The following SLC1A2 variants were observed in gnomAD, a reference collection of about 807,000 sequenced individuals.
The protein encoded by SLC1A2 is excitatory amino acid transporter 2.
Under a neutral mutation model 48.8 loss-of-function variants are expected in SLC1A2, and 15 were observed. That is an observed-to-expected ratio of 0.31 (90% confidence interval 0.21 to 0.47). SLC1A2 has a LOEUF of 0.47. SLC1A2 is among the 20% of genes least tolerant of loss of function. The pLI is 0.99. For missense variants in SLC1A2, 502 were observed against 730.5 expected (o/e 0.69, Z 3.61); for synonymous variants, 279 against 272.6 (o/e 1.02, Z -0.23).
intron 1 of SLC1A2, among the ~76,000 whole-genome samples, chr11:35,346,522 G>A (rs1426335900): frequency 6.6e-6 from 1 of 152,222 alleles, no homozygotes; most frequent in African/African-American, 2.4e-5. Flanking sequence ...TGGACCACAA[G>A]GCATTCGATC....
intron 2 of SLC1A2, chr11:35,315,654 G>T (rs1038878839): frequency 6.4e-6 from 1 of 155,258 alleles, no homozygotes; most frequent in African/African-American, 2.4e-5. Flanking sequence ...ATTTAGCTGG[G>T]TGTGGTGGCG....
At chr11:35,281,664 G>A (rs968096239) in intron 8 of SLC1A2, 5 of 152,118 alleles carry the variant, frequency 3.3e-5, no homozygotes, top group Non-Finnish European at 4.4e-5. Flanking sequence ...CATCTCATCA[G>A]TTCTTTCCAA....
At chr11:35,395,279 T>C (rs946127939) in intron 1 of SLC1A2, among the ~76,000 whole-genome samples, 7 of 151,946 alleles carry the variant, frequency 4.6e-5, no homozygotes, top group African/African-American at 1.7e-4. Context: ...TTTTTTTCTC[T>C]TAACTTCTGA....
At position 35,254,901 on chromosome 11, in the gene SLC1A2, C is replaced by G. The variant is rs983311762; in HGVS notation, c.*5993G>C. 2.4e-6 allele frequency: 1 copy of G among 425,278 alleles called. No individual in the cohort carries two copies. The highest frequency in any genetic ancestry group is 2.1e-5 in the African/African-American group (1 of 48,452). The allele number at this position is 425,278 out of a possible 1,614,324, so 26.3% of individuals were successfully genotyped here. The stretch of plus-strand genomic sequence containing the variant: ...AAGCAAGGCTGGACATAGAAAAAAA[C>G]TGATCAGTAGTTATTCAGGATATTA... On this transcript the variant is annotated 3_prime_UTR_variant, in exon 11 of 11. Transcript: ENST00000278379.
intron 6 of SLC1A2, among the ~76,000 whole-genome samples, chr11:35,295,012 A>C (rs2134759978): frequency 6.6e-6 from 1 of 152,152 alleles, no homozygotes; most frequent in Non-Finnish European, 1.5e-5. Flanking sequence ...CAGGGCCATT[A>C]CTTTCTTGTG....
chr11:35,329,030 C>A (rs1305733045), intron 1 of SLC1A2, among the ~76,000 whole-genome samples: 1 of 152,144 alleles, frequency 6.6e-6, no homozygotes, highest in Non-Finnish European at 1.5e-5. Context: ...AATGGATAAA[C>A]CATGGTACAT....
At chr11:35,271,800 G>A (rs529671585) in intron 9 of SLC1A2, among the ~76,000 whole-genome samples, 9 of 152,264 alleles carry the variant, frequency 5.9e-5, no homozygotes, top group Admixed American at 2.6e-4. Flanking sequence ...CCATGATAGC[G>A]CCACTGCACT....
intron 1 of SLC1A2, among the ~76,000 whole-genome samples, chr11:35,382,757 C>T (rs1481950720): frequency 6.6e-6 from 1 of 151,580 alleles, no homozygotes; most frequent in Non-Finnish European, 1.5e-5. Flanking sequence ...GATCACGCCA[C>T]TGCACTCCAG....
At position 35,419,205 on chromosome 11, in the gene SLC1A2, C is replaced by CGCGGGGATGGCGCTTG; in HGVS notation, c.-255_-240dup. 2 of 440,764 alleles carry CGCGGGGATGGCGCTTG rather than the reference C, an allele frequency of 4.5e-6. No homozygotes were observed. Among genetic ancestry groups the CGCGGGGATGGCGCTTG allele is most frequent in the Non-Finnish European group, 8.0e-6 (2 of 250,806 alleles). 27.3% of individuals were successfully genotyped at this position (440,764 alleles called of 1,614,324 possible). ...CGCGCGACCCGCGCTCCCCTCCGCC[C>CGCGGGGATGGCGCTTG]GCGGGGATGGCGCTTGGCGGGGAGC... On this transcript the variant is annotated 5_prime_UTR_variant, in exon 1 of 11. Coordinates refer to ENST00000278379, the MANE Select transcript of SLC1A2 (RefSeq NM_004171.4). This position sits in a 1 kb window ranked among gnomAD's most constrained non-coding sequence, Gnocchi z 5.4.
intron 1 of SLC1A2, 141 bp downstream of exon 1, chr11:35,418,809 T>TC: frequency 1.4e-6 from 1 of 698,472 alleles, no homozygotes; most frequent in South Asian, 1.6e-5. Flanking sequence ...CTCCCCACCA[T>TC]CCCATCCCCA....
intron 1 of SLC1A2, among the ~76,000 whole-genome samples, chr11:35,401,186 T>C (rs753100587): frequency 4.3e-4 from 66 of 152,180 alleles, no homozygotes; most frequent in Non-Finnish European, 7.5e-4. Context: ...TCAGAGAGAA[T>C]GGACTGTAAG....
Position 35,407,733 on chromosome 11 carries a change from G to A in SLC1A2, c.17+11217C>T, listed in dbSNP as rs55957132. Among the ~76,000 whole-genome samples the A allele has an allele frequency of 2.7e-3, 414 of 152,108 alleles. 2 individuals carry two copies. Among genetic ancestry groups the A allele is most frequent in the African/African-American group, 9.2e-3 (381 of 41,498 alleles). ...CCTCTCCATAGCATGCAGCACTGTC[G>A]GCCACTTCAAGTCACCTGCTCACTC... On this transcript the variant is annotated intron_variant, in intron 1 of 10. Coordinates refer to ENST00000278379, the MANE Select transcript of SLC1A2 (RefSeq NM_004171.4).
At chr11:35,322,577 G>C in intron 1 of SLC1A2, 1 of 1,532,100 alleles carries the variant, frequency 6.5e-7, no homozygotes, top group Non-Finnish European at 8.7e-7. Flanking sequence ...TTCCACTGCT[G>C]ACATCTAACC....
At chr11:35,307,298 A>T (rs1851543235) in intron 4 of SLC1A2, 1 of 152,200 alleles carries the variant, frequency 6.6e-6, no homozygotes. Flanking sequence ...GCATTTGCTT[A>T]TATTTCAGAT....
intron 1 of SLC1A2, among the ~76,000 whole-genome samples, chr11:35,377,244 A>G (rs1854270511): frequency 6.6e-6 from 1 of 152,250 alleles, no homozygotes; most frequent in African/African-American, 2.4e-5. Flanking sequence ...GCAAGTCAGC[A>G]GTAAAGTTGG....
intron 3 of SLC1A2, among the ~76,000 whole-genome samples, chr11:35,314,322 C>T (rs1364091085): frequency 1.3e-5 from 2 of 152,190 alleles, no homozygotes; most frequent in African/African-American, 2.4e-5. Flanking sequence ...GCCAATCTCC[C>T]TCAATTCCCA....
At chr11:35,330,042 G>T (rs1052438189) in intron 1 of SLC1A2, among the ~76,000 whole-genome samples, 3 of 152,236 alleles carry the variant, frequency 2.0e-5, no homozygotes, top group African/African-American at 7.2e-5. Flanking sequence ...GAGTAGATGA[G>T]CTGGGATGGC....
chr11:35,364,693 T>C (rs1361345075), intron 1 of SLC1A2, among the ~76,000 whole-genome samples: 2 of 152,208 alleles, frequency 1.3e-5, no homozygotes, highest in South Asian at 2.1e-4. Flanking sequence ...AGGATACCTA[T>C]TGTAGTCATA....
At chr11:35,420,011 C>T (rs1313475568), upstream of SLC1A2, 4 of 452,890 alleles carry the variant, frequency 8.8e-6, no homozygotes, top group Non-Finnish European at 1.8e-5. Flanking sequence ...GCAGCCTAAA[C>T]GCGGCCCAGC....
Sources: allele counts gnomAD v4.1 joint callset (sites outside exome capture counted in the v4.1 genomes callset), GRCh38; gene constraint gnomAD v4.1.1; non-coding constraint Gnocchi (gnomAD v3.1); transcripts MANE v1.5; gene names NCBI Gene and HGNC (gene_info 2026-07-23, HGNC 2026-07-21).